PRKDC: variants seen among roughly 807,000 people sequenced by gnomAD.
PRKDC encodes the protein DNA-dependent protein kinase catalytic subunit.
A neutral mutation model predicts 486.9 loss-of-function variants in PRKDC; 82 were observed. The ratio of observed to expected loss-of-function variants is 0.17; its 90% CI spans 0.14 to 0.20. The LOEUF (loss-of-function observed/expected upper bound fraction) is 0.20. Among genes scored for constraint, PRKDC ranks in the 10% least tolerant of loss-of-function variants. The pLI is 1.00. For synonymous variants in PRKDC, 1,895 were observed against 1,837.0 expected (o/e 1.03, Z -0.81); for missense variants, 4,504 against 5,038.2 (o/e 0.89, Z 3.21).
In PRKDC at chr8:47,849,336, C is replaced by T. The variant is rs750620487; in HGVS notation, c.7131-33G>A. On this transcript the variant is annotated intron_variant, in intron 53 of 85. Transcript: ENST00000314191. ...GGAAGGGAACTGGTGAGAGGAGGGC[C>T]GAGGACCCTCCTGCCCCGAAAGGAT... is the stretch of plus-strand genomic sequence containing the variant. The T allele has an allele frequency of 2.2e-5, 35 of 1,613,658 alleles. No homozygotes were observed. In the Admixed American group the frequency reaches 2.3e-4, roughly 11 times the overall value.
At chr8:47,952,953 A>G (rs1187961381) in intron 7 of PRKDC, among the ~76,000 whole-genome samples, 1 of 152,184 alleles carries the variant, frequency 6.6e-6, no homozygotes, top group African/African-American at 2.4e-5. Flanking sequence ...CAGCCTGGCC[A>G]ACATGGTGAA....
intron 30 of PRKDC, among the ~76,000 whole-genome samples, chr8:47,894,786 G>C (rs566472050): frequency 6.6e-6 from 1 of 152,140 alleles, no homozygotes; most frequent in South Asian, 2.1e-4. Flanking sequence ...ACCACTGAAG[G>C]AAGCTAGATG....
intron 85 of PRKDC, 138 bp downstream of exon 85, chr8:47,776,706 T>C: frequency 8.1e-7 from 1 of 1,227,764 alleles, no homozygotes; most frequent in East Asian, 2.6e-5. Context: ...CTCTAAGCCC[T>C]GCTTTCCTCC....
chr8:47,957,700 G>C (rs2090730153), intron 1 of PRKDC, among the ~76,000 whole-genome samples: 1 of 152,150 alleles, frequency 6.6e-6, no homozygotes, highest in South Asian at 2.1e-4. Context: ...ATTTTTAGTA[G>C]AGACGGGGTT....
Position 47,884,290 on chromosome 8 carries a change from CTT to C in PRKDC, c.4776+1652_4776+1653del, listed in dbSNP as rs561216370. Among the ~76,000 whole-genome samples, 1,259 of 152,314 alleles carry C rather than the reference CTT, an allele frequency of 8.3e-3. 10 individuals are homozygous for C. Among genetic ancestry groups the C allele is most frequent in the Non-Finnish European group, 0.012 (839 of 68,034 alleles). ...AGAGCTGGCCTTTGCCCAATCCTCT[CTT>C]CTCAGCCTCTGCTCACCCCTGCTCG... On this transcript the variant is annotated intron_variant, in intron 36 of 85. Coordinates refer to ENST00000314191, the MANE Select transcript of PRKDC (RefSeq NM_006904.7).
intron 25 of PRKDC, among the ~76,000 whole-genome samples, chr8:47,905,823 C>T (rs762430570): frequency 2.0e-5 from 3 of 152,116 alleles, no homozygotes; most frequent in Non-Finnish European, 2.9e-5. Flanking sequence ...CAGGTAGCCC[C>T]GTGCTCCCTG....
intron 42 of PRKDC, among the ~76,000 whole-genome samples, 155 bp from the exon 43 acceptor site, chr8:47,862,696 G>A (rs2088704450): frequency 6.6e-6 from 1 of 152,200 alleles, no homozygotes; most frequent in Admixed American, 6.5e-5. Flanking sequence ...ATATGAAAAG[G>A]AACATGTCAT....
At chr8:47,879,774 G>A (rs2154501407) in intron 38 of PRKDC, 116 bp from the exon 39 acceptor site, 1 of 788,534 alleles carries the variant, frequency 1.3e-6, no homozygotes, top group African/African-American at 1.9e-5. Flanking sequence ...TCAATGAATG[G>A]CTTCACCATA....
At position 47,834,295 on chromosome 8, in the gene PRKDC, T is replaced by G; in HGVS notation, c.8053A>C (p.Ser2685Arg). The change falls in exon 59 of 86, where the codon AGT becomes CGT. Residue 2685 changes from serine (S) to arginine (R), a missense_variant. By Grantham distance (110) the Ser-to-Arg change is moderately radical. Around this residue, in one of 6 missense-constraint regions of PRKDC, gnomAD observed 1,592 missense variants for 1,724.6 expected, o/e 0.92. Coordinates refer to ENST00000314191, the MANE Select transcript of PRKDC (RefSeq NM_006904.7). ...SDSLLFAHKRSERLQRAPLKS... is the reference protein window; with the variant it reads ...SDSLLFAHKRRERLQRAPLKS... ...AAGGGTGCTCTCTGTAACCTTTCAC[T>G]CCTCTTGTGGGCAAACAGCAAGGAG... 6.2e-7 allele frequency: 1 copy of G among 1,613,960 alleles called. No homozygotes were observed. The highest frequency in any genetic ancestry group is 8.5e-7 in the Non-Finnish European group (1 of 1,179,866).
At chr8:47,829,431 T>C (rs967702254) in intron 61 of PRKDC, among the ~76,000 whole-genome samples, 1 of 152,182 alleles carries the variant, frequency 6.6e-6, no homozygotes, top group Admixed American at 6.5e-5. Flanking sequence ...ATTAAATACT[T>C]GAAAAGTTTA....
intron 21 of PRKDC, among the ~76,000 whole-genome samples, chr8:47,921,674 A>C (rs1206910865): frequency 6.6e-6 from 1 of 152,136 alleles, no homozygotes; most frequent in Non-Finnish European, 1.5e-5. Context: ...GGCAATTCTC[A>C]ATTTCCCACT....
intron 14 of PRKDC, among the ~76,000 whole-genome samples, chr8:47,934,404 G>A (rs986716518): frequency 2.6e-5 from 4 of 152,108 alleles, no homozygotes; most frequent in Non-Finnish European, 4.4e-5. Context: ...GCAAGGTGGC[G>A]GTCGCCTGTA....
chr8:47,897,410 T>G (rs969516285), intron 29 of PRKDC, 116 bp from the exon 30 acceptor site: 4 of 1,036,386 alleles, frequency 3.9e-6, no homozygotes, highest in Non-Finnish European at 3.9e-6. Flanking sequence ...GAAATCTCAC[T>G]AAAAGGCATT....
At chr8:47,954,043 A>G (rs1291484988) in intron 5 of PRKDC, 124 bp from the exon 6 acceptor site, 2 of 585,684 alleles carry the variant, frequency 3.4e-6, no homozygotes. Flanking sequence ...TAAGAGATAT[A>G]AAATATAAAG....
At chr8:47,932,846 T>G (rs2090279781) in intron 16 of PRKDC, among the ~76,000 whole-genome samples, 174 bp downstream of exon 16, 1 of 152,198 alleles carries the variant, frequency 6.6e-6, no homozygotes, top group South Asian at 2.1e-4. Context: ...TAACAACATT[T>G]TCTATACAAT....
chr8:47,899,177 T>C (rs1329844976), intron 28 of PRKDC, among the ~76,000 whole-genome samples: 1 of 152,232 alleles, frequency 6.6e-6, no homozygotes, highest in East Asian at 1.9e-4. Flanking sequence ...GTTTTTTAAA[T>C]ATGTCCGTGA....
At chr8:47,849,589 T>A (rs1443265343) in intron 52 of PRKDC, 86 bp from the exon 53 acceptor site, 9 of 1,454,248 alleles carry the variant, frequency 6.2e-6, no homozygotes, top group Non-Finnish European at 8.3e-6. Flanking sequence ...AGTATTTAAG[T>A]GAGCCCAACA....
Position 47,773,492 on chromosome 8 carries a change from G to A in PRKDC, c.*681C>T. 9.1e-6 allele frequency: 2 copies of A among 219,596 alleles called. No individual in the cohort carries two copies. Among genetic ancestry groups the A allele is most frequent in the Non-Finnish European group, 1.8e-5 (2 of 109,524 alleles). The allele number at this position is 219,596 out of a possible 1,614,324, so 13.6% of individuals were successfully genotyped here. A position where few individuals can be genotyped will look rare whatever the true frequency, so the allele number is the denominator to read the frequency against. ...TTTATGTATCTTCCAGTTGTAGATTGGAATAGCAAAAGTGAATGCTATGAC... is the reference window on the plus strand; with the variant it reads ...TTTATGTATCTTCCAGTTGTAGATTAGAATAGCAAAAGTGAATGCTATGAC... On this transcript the variant is annotated 3_prime_UTR_variant, in exon 86 of 86. Transcript: ENST00000314191.
intron 21 of PRKDC, among the ~76,000 whole-genome samples, chr8:47,926,412 AAAT>A (rs1351520299): frequency 3.9e-5 from 6 of 152,228 alleles, no homozygotes; most frequent in African/African-American, 1.4e-4. Context: ...TTTAACAATA[AAAT>A]AATGATTTAC....
Sources: gnomAD v4.1 joint callset for allele counts (sites outside exome capture counted in the v4.1 genomes callset) on GRCh38, gnomAD v4.1.1 for gene constraint, gnomAD v4.1.1 regional missense constraint, MANE v1.5 for transcripts, NCBI Gene and HGNC (gene_info 2026-07-23, HGNC 2026-07-21) for gene names.